KDM3A: variants seen among roughly 807,000 people sequenced by gnomAD.
The protein encoded by KDM3A is lysine-specific demethylase 3A.
A neutral mutation model predicts 158.0 loss-of-function variants in KDM3A; 60 were observed. The ratio of observed to expected loss-of-function variants is 0.38; its 90% CI spans 0.31 to 0.47. The LOEUF (loss-of-function observed/expected upper bound fraction) is 0.47, where lower values mean the gene tolerates loss of function less well. Ranked by LOEUF, KDM3A falls within the 20% of genes least tolerant of loss-of-function variation. KDM3A has a pLI of 0.99. For synonymous variants in KDM3A, 608 were observed against 549.3 expected (o/e 1.11, Z -1.49); for missense variants, 1,319 against 1,574.3 (o/e 0.84, Z 2.74).
intron 23 of KDM3A, chr2:86,490,175 T>C (rs1485342616): frequency 6.5e-6 from 1 of 152,708 alleles, no homozygotes; most frequent in African/African-American, 2.4e-5. Flanking sequence ...GCAAGGGCTA[T>C]GTGTGGAAAT....
chr2:86,489,711 T>C (rs778325632), intron 23 of KDM3A, 52 bp downstream of exon 23: 6 of 1,548,984 alleles, frequency 3.9e-6, no homozygotes, highest in Admixed American at 3.9e-5. Flanking sequence ...AGCAATATTA[T>C]GTTACTACAT....
chr2:86,484,794 A>G (rs764096329), intron 19 of KDM3A, 148 bp from the exon 20 acceptor site: 7 of 547,656 alleles, frequency 1.3e-5, no homozygotes, highest in East Asian at 2.8e-5. Flanking sequence ...AGGAAAAGTA[A>G]TATTTGTATA....
chr2:86,437,626 G>A (rs1360755343), upstream of KDM3A, among the ~76,000 whole-genome samples: 1 of 151,990 alleles, frequency 6.6e-6, no homozygotes, highest in Non-Finnish European at 1.5e-5. Context: ...TTTGTTAGAG[G>A]AGAAATGACA....
intron 4 of KDM3A, among the ~76,000 whole-genome samples, chr2:86,454,386 A>G (rs1295967547): frequency 1.3e-5 from 2 of 152,162 alleles, no homozygotes; most frequent in Non-Finnish European, 2.9e-5. Context: ...CCATGGGTTT[A>G]CTAATGGGAA....
chr2:86,485,346 C>T (rs1051010030), intron 20 of KDM3A, among the ~76,000 whole-genome samples: 4 of 152,172 alleles, frequency 2.6e-5, no homozygotes, highest in African/African-American at 2.4e-5. Flanking sequence ...CTGTCAGGGT[C>T]AGGACAATGT....
intron 11 of KDM3A, among the ~76,000 whole-genome samples, chr2:86,471,343 A>G (rs1272435171): frequency 2.7e-5 from 4 of 150,508 alleles, no homozygotes; most frequent in African/African-American, 4.9e-5. Context: ...GTATATATGT[A>G]TATATGTGTG....
At chr2:86,442,349 C>A (rs1682762501) in intron 2 of KDM3A, 116 bp downstream of exon 2, 1 of 970,078 alleles carries the variant, frequency 1.0e-6, no homozygotes, top group African/African-American at 1.6e-5. Context: ...GGCATATGAT[C>A]TGAAGGTGCA....
chr2:86,478,070 T>C, intron 13 of KDM3A, 41 bp downstream of exon 13: 1 of 1,612,778 alleles, frequency 6.2e-7, no homozygotes, highest in South Asian at 1.1e-5. Flanking sequence ...CTCTACACAG[T>C]TAAATCAAGT....
intron 5 of KDM3A, among the ~76,000 whole-genome samples, chr2:86,455,508 G>A (rs12714186): frequency 0.4 from 60,266 of 151,718 alleles, 13,841 homozygotes; most frequent in East Asian, 0.81. Context: ...TGATCTGCCT[G>A]CCAAGTGTGA....
chr2:86,490,935 C>G lies in KDM3A; in HGVS notation c.3628C>G (p.Gln1210Glu). The change falls in exon 24 of 26, where the codon CAA (glutamine) becomes GAA (glutamate). Residue 1210 changes from glutamine to glutamate, a missense_variant. Physicochemically the swap from Gln to Glu is conservative, Grantham distance 29. This residue lies in a region of KDM3A where 186 missense variants were observed against 340.9 expected (regional missense o/e 0.55). Coordinates refer to ENST00000312912, the MANE Select transcript of KDM3A (RefSeq NM_018433.6). Reference sequence around the variant, plus strand: ...AGCAGACCACGATCCTATTCATGATCAAAGCTGGTATTTAGACCGATCATT... The same window carrying G: ...AGCAGACCACGATCCTATTCATGATGAAAGCTGGTATTTAGACCGATCATT... ...NPADHDPIHD[Q>E]SWYLDRSLRK... 6.2e-7 allele frequency: 1 copy of G among 1,613,830 alleles called. No homozygotes were observed. Among genetic ancestry groups the G allele is most frequent in the Non-Finnish European group, 8.5e-7 (1 of 1,179,824 alleles).
At chr2:86,469,872 T>G (rs546255108) in intron 10 of KDM3A, among the ~76,000 whole-genome samples, 1 of 152,190 alleles carries the variant, frequency 6.6e-6, no homozygotes, top group Non-Finnish European at 1.5e-5. Flanking sequence ...CGAGTTTGAA[T>G]TAAATGTCTG....
chr2:86,485,697 A>G, intron 20 of KDM3A, 32 bp from the exon 21 acceptor site: 2 of 1,606,660 alleles, frequency 1.2e-6, no homozygotes, highest in Non-Finnish European at 1.7e-6. Context: ...AAAGCAATCT[A>G]ACTTTGCAAA....
chr2:86,455,672 C>CA (rs1173597171), intron 5 of KDM3A, among the ~76,000 whole-genome samples: 1 of 151,908 alleles, frequency 6.6e-6, no homozygotes, highest in Non-Finnish European at 1.5e-5. Context: ...GGGCCAGGCA[C>CA]AGTGGCTCAA....
intron 5 of KDM3A, 93 bp downstream of exon 5, chr2:86,455,280 G>A (rs1361277310): frequency 3.4e-5 from 25 of 728,152 alleles, no homozygotes; most frequent in Non-Finnish European, 5.2e-5. Flanking sequence ...TTTGCTCATG[G>A]AAATTTCTTT....
chr2:86,478,813 A>G (rs1018655961), intron 15 of KDM3A, 78 bp downstream of exon 15: 4 of 1,443,104 alleles, frequency 2.8e-6, no homozygotes, highest in Non-Finnish European at 3.8e-6. Flanking sequence ...AAGGATTTCT[A>G]TCAGTGCATT....
At chr2:86,457,287 A>G (rs2104645965) in intron 8 of KDM3A, among the ~76,000 whole-genome samples, 1 of 152,190 alleles carries the variant, frequency 6.6e-6, no homozygotes, top group African/African-American at 2.4e-5. Context: ...TGTGTCATGC[A>G]TGACACCTGG....
intron 21 of KDM3A, 125 bp from the exon 22 acceptor site, chr2:86,489,193 G>C (rs1674335023): frequency 8.9e-7 from 1 of 1,123,388 alleles, no homozygotes; most frequent in Admixed American, 2.6e-5. Flanking sequence ...GCAATAATTT[G>C]ATCCAGAATT....
At chr2:86,442,862 T>G (rs1350945009) in intron 2 of KDM3A, among the ~76,000 whole-genome samples, 1 of 152,092 alleles carries the variant, frequency 6.6e-6, no homozygotes. Context: ...GTCCCATATA[T>G]GGCATATTGG....
chr2:86,462,197 G>A (rs1363922799), intron 8 of KDM3A, among the ~76,000 whole-genome samples: 2 of 147,388 alleles, frequency 1.4e-5, no homozygotes, highest in African/African-American at 5.1e-5. Context: ...AAATTAGATG[G>A]AGGGTTTTTT....
Sources: allele counts gnomAD v4.1 joint callset (sites outside exome capture counted in the v4.1 genomes callset), GRCh38; gene constraint gnomAD v4.1.1; regional missense constraint gnomAD v4.1.1; transcripts MANE v1.5; gene names NCBI Gene and HGNC (gene_info 2026-07-23, HGNC 2026-07-21).